CPQ: variants seen among roughly 807,000 people sequenced by gnomAD.
CPQ encodes the protein Ser-Met dipeptidase.
CPQ carries 37 observed loss-of-function variants against 45.7 expected under a neutral mutation model. The observed-to-expected ratio is 0.81, with a 90% CI of 0.62 to 1.07. CPQ has a LOEUF of 1.07. Among genes scored for constraint, CPQ ranks in the 50% least tolerant of loss-of-function variants. The pLI is 0.00. For missense variants in CPQ, 537 were observed against 572.9 expected (o/e 0.94, Z 0.64); for synonymous variants, 186 against 205.8 (o/e 0.90, Z 0.82).
At chr8:96,877,700 A>G (rs1356489745) in intron 3 of CPQ, among the ~76,000 whole-genome samples, 1 of 152,170 alleles carries the variant, frequency 6.6e-6, no homozygotes, top group Non-Finnish European at 1.5e-5. Flanking sequence ...TTTCATAGCA[A>G]TATTATGAGG....
At chr8:96,727,002 G>A (rs1809852355) in intron 1 of CPQ, among the ~76,000 whole-genome samples, 4 of 152,150 alleles carry the variant, frequency 2.6e-5, no homozygotes, top group South Asian at 4.1e-4. Context: ...CTAGTACATA[G>A]TTTATTCATC....
intron 4 of CPQ, among the ~76,000 whole-genome samples, chr8:96,930,833 C>G (rs1166958301): frequency 1.3e-5 from 2 of 152,220 alleles, no homozygotes; most frequent in Non-Finnish European, 2.9e-5. Flanking sequence ...GAACTTGGGT[C>G]TGTCAACACT....
intron 1 of CPQ, among the ~76,000 whole-genome samples, chr8:96,727,820 GT>G (rs1439801473): frequency 4.6e-5 from 7 of 152,104 alleles, no homozygotes; most frequent in Non-Finnish European, 7.4e-5. Flanking sequence ...TCCTTATGGG[GT>G]TGCTCCCAGG....
chr8:96,835,476 G>A (rs1160050421), intron 3 of CPQ, among the ~76,000 whole-genome samples: 6 of 152,148 alleles, frequency 3.9e-5, no homozygotes, highest in Non-Finnish European at 7.3e-5. Flanking sequence ...TTTCATTGGA[G>A]GAAGAACTGC....
At chr8:96,710,113 C>G (rs1809587089) in intron 1 of CPQ, among the ~76,000 whole-genome samples, 1 of 152,050 alleles carries the variant, frequency 6.6e-6, no homozygotes, top group Admixed American at 6.6e-5. Flanking sequence ...CTTATTCAAG[C>G]TAGGAGGGTT....
rs1812196626 is a variant in CPQ at position 97,143,172 on chromosome 8, C to T, written c.1408C>T (p.Pro470Ser). The change falls in exon 8 of 8, where the codon CCT (proline) becomes TCT (serine). Residue 470 changes from proline (P) to serine (S), a missense_variant. Pro to Ser is a moderately conservative substitution (Grantham distance 74). Transcript: ENST00000220763. ...TGTTGCAGACATGGAAGAAATGCTG[C>T]CTAGGTCCTAGAAACAGTAAGAAAG... Reference protein sequence around the residue: ...YVVADMEEMLPRS With the variant: ...YVVADMEEMLSRS The T allele has an allele frequency of 6.2e-7, 1 of 1,613,816 alleles. No homozygotes were observed. The highest frequency in any genetic ancestry group is 1.7e-4 in the Middle Eastern group (1 of 6,060).
chr8:96,854,557 A>AAAAAACAC lies in CPQ; in HGVS notation c.641+19379_641+19380insAAACACAA, dbSNP rs1554573253. Among the ~76,000 whole-genome samples the AAAAAACAC allele has an allele frequency of 5.6e-4, 43 of 76,888 alleles. 7 individuals carry two copies. The highest frequency in any genetic ancestry group is 1.2e-3 in the African/African-American group (24 of 20,040). 50.4% of individuals were successfully genotyped at this position (76,888 alleles called of 152,430 possible). A position where few individuals can be genotyped will look rare whatever the true frequency, so the allele number is the denominator to read the frequency against. On this transcript the variant is annotated intron_variant, in intron 3 of 7. Coordinates refer to ENST00000220763, the MANE Select transcript of CPQ (RefSeq NM_016134.4). ...AAAAAAAAAAAAAAAAAAAAAAAAAAAATGTGGTGGAACTAAAAGCCCAGT... is the reference window on the plus strand; with the variant it reads ...AAAAAAAAAAAAAAAAAAAAAAAAAAAAAAACACAATGTGGTGGAACTAAAAGCCCAGT...
chr8:96,708,433 G>GTA (rs1196699228), intron 1 of CPQ, among the ~76,000 whole-genome samples: 3 of 126,956 alleles, frequency 2.4e-5, no homozygotes, highest in African/African-American at 5.4e-5. Flanking sequence ...GTGTGTGTGT[G>GTA]TGTGTATATA....
intron 6 of CPQ, among the ~76,000 whole-genome samples, chr8:97,041,771 A>T (rs1051672657): frequency 3.9e-5 from 6 of 152,154 alleles, no homozygotes; most frequent in Non-Finnish European, 7.3e-5. Flanking sequence ...GGTTCTGTTT[A>T]TATGCTGGAT....
chr8:97,049,151 C>G (rs997025157), intron 6 of CPQ, among the ~76,000 whole-genome samples: 2 of 152,126 alleles, frequency 1.3e-5, no homozygotes, highest in Non-Finnish European at 2.9e-5. Context: ...TTATAAGAAC[C>G]AGCAATTCTG....
In CPQ at chr8:97,143,306, GCTTT is replaced by G; in HGVS notation, c.*126_*129del. 1 of 895,228 alleles carries G rather than the reference GCTTT, an allele frequency of 1.1e-6. No individual in the cohort carries two copies. Among genetic ancestry groups the G allele is most frequent in the Non-Finnish European group, 1.7e-6 (1 of 594,558 alleles). 55.5% of individuals were successfully genotyped at this position (895,228 alleles called of 1,614,324 possible). On this transcript the variant is annotated 3_prime_UTR_variant, in exon 8 of 8. Transcript: ENST00000220763. The stretch of plus-strand genomic sequence containing the variant: ...TCTTCAAAGCACAACTCTATTTCAT[GCTTT>G]CTGTTATTATCTTTCTTGATACTTT...
intron 5 of CPQ, among the ~76,000 whole-genome samples, chr8:96,967,434 T>C (rs911038803): frequency 2.0e-5 from 3 of 152,220 alleles, no homozygotes; most frequent in African/African-American, 4.8e-5. Context: ...TCATTTGCTC[T>C]AGATTGGAAT....
In CPQ at chr8:97,099,368, C is replaced by T. The variant is rs531303597; in HGVS notation, c.1255+33158C>T. 1.3e-4 allele frequency among the ~76,000 whole-genome samples: 19 copies of T among 151,616 alleles called. No homozygotes were observed. In the East Asian group the frequency reaches 3.1e-3, roughly 25 times the overall value. The stretch of plus-strand genomic sequence containing the variant: ...CTGGTCTCGAACTCCTGACCTCAGG[C>T]GATCCATCCACCTTGGCCTCCCAAA... On this transcript the variant is annotated intron_variant, in intron 7 of 7. Coordinates refer to ENST00000220763, the MANE Select transcript of CPQ (RefSeq NM_016134.4).
At chr8:97,124,327 A>G (rs1034609269) in intron 7 of CPQ, among the ~76,000 whole-genome samples, 3 of 151,938 alleles carry the variant, frequency 2.0e-5, no homozygotes, top group African/African-American at 7.2e-5. Context: ...ACACACATCT[A>G]TAGTTGTGGC....
At chr8:96,686,299 T>C (rs1809226091) in intron 1 of CPQ, among the ~76,000 whole-genome samples, 1 of 152,092 alleles carries the variant, frequency 6.6e-6, no homozygotes, top group Non-Finnish European at 1.5e-5. Flanking sequence ...TAATAGAGTT[T>C]TCATTAAGCA....
chr8:96,652,639 T>G lies in CPQ; in HGVS notation c.-35+7237T>G, dbSNP rs192441727. On this transcript the variant is annotated intron_variant, in intron 1 of 7. Coordinates refer to ENST00000220763, the MANE Select transcript of CPQ (RefSeq NM_016134.4). ...ACTTCACATTGTCACCAGAATTTTTTTTTGTTTGTTTGAGACGGAGTCTTG... is the reference window on the plus strand; with the variant it reads ...ACTTCACATTGTCACCAGAATTTTTGTTTGTTTGTTTGAGACGGAGTCTTG... Among the ~76,000 whole-genome samples, 355 of 152,272 alleles carry G rather than the reference T, an allele frequency of 2.3e-3. 3 individuals are homozygous for G. Among genetic ancestry groups the G allele is most frequent in the African/African-American group, 6.2e-3 (258 of 41,550 alleles).
intron 1 of CPQ, among the ~76,000 whole-genome samples, chr8:96,740,289 T>C (rs1810066818): frequency 6.6e-6 from 1 of 152,186 alleles, no homozygotes; most frequent in Non-Finnish European, 1.5e-5. Flanking sequence ...ATAAGAATGC[T>C]TGTGATTTTT....
intron 5 of CPQ, among the ~76,000 whole-genome samples, chr8:97,001,517 G>A (rs776708249): frequency 5.3e-5 from 8 of 151,900 alleles, no homozygotes; most frequent in South Asian, 4.1e-4. Flanking sequence ...GGTTTTTGAC[G>A]TTAGCTCTGT....
At chr8:96,725,814 G>A (rs755963311) in intron 1 of CPQ, among the ~76,000 whole-genome samples, 39 of 152,146 alleles carry the variant, frequency 2.6e-4, no homozygotes, top group Non-Finnish European at 4.1e-4. Context: ...ATTCACAATA[G>A]CAAAGACATG....
Sources: allele counts gnomAD v4.1 joint callset (sites outside exome capture counted in the v4.1 genomes callset), GRCh38; gene constraint gnomAD v4.1.1; transcripts MANE v1.5; gene names NCBI Gene and HGNC (gene_info 2026-07-23, HGNC 2026-07-21).